The following PCSK6 variants were observed in gnomAD, a reference collection of about 807,000 sequenced individuals.
The protein encoded by PCSK6 is paired basic amino acid cleaving enzyme 4.
PCSK6 carries 85 observed loss-of-function variants against 123.3 expected under a neutral mutation model. The ratio of observed to expected loss-of-function variants is 0.69; its 90% CI spans 0.58 to 0.83. The LOEUF (loss-of-function observed/expected upper bound fraction) is 0.83, where lower values mean the gene tolerates loss of function less well. Among genes scored for constraint, PCSK6 ranks in the 40% least tolerant of loss-of-function variants. The pLI is 0.00. For missense variants in PCSK6, 1,191 were observed against 1,282.3 expected (o/e 0.93, Z 1.09); for synonymous variants, 508 against 516.0 (o/e 0.98, Z 0.21).
chr15:101,319,943 C>T (rs2040077851), intron 18 of PCSK6, among the ~76,000 whole-genome samples: 1 of 152,096 alleles, frequency 6.6e-6, no homozygotes, highest in Admixed American at 6.6e-5. Context: ...CATGGCAAGT[C>T]CGATTTATGG....
chr15:101,333,116 ACT>A (rs1193544183), intron 13 of PCSK6, among the ~76,000 whole-genome samples: 1 of 152,086 alleles, frequency 6.6e-6, no homozygotes, highest in African/African-American at 2.4e-5. Flanking sequence ...CTGCAGGCCG[ACT>A]CTGCTGCTGG....
At chr15:101,460,529 T>G (rs1160019636) in intron 1 of PCSK6, among the ~76,000 whole-genome samples, 2 of 152,228 alleles carry the variant, frequency 1.3e-5, no homozygotes, top group Non-Finnish European at 2.9e-5. Context: ...GGAAAGGGTC[T>G]GAGCCACTCT....
At position 101,489,471 on chromosome 15, in the gene PCSK6, C is replaced by A. The variant is rs1474514230; in HGVS notation, c.200G>T (p.Arg67Leu). The part of the protein sequence containing the change: ...LPAACSAPPP[R>L]PVYTNHWAVQ... ...CGCCCAGTGGTTGGTGTAGACGGGG[C>A]GCGGCGGGGGCGCGGAGCAGGCGGC... The change falls in exon 1 of 22, where the codon CGC becomes CTC. Residue 67 changes from arginine to leucine, a missense_variant. Arg to Leu is a moderately radical substitution (Grantham distance 102, BLOSUM62 -2). Transcript: ENST00000611716. 1 of 1,106,464 alleles carries A rather than the reference C, an allele frequency of 9.0e-7. No homozygotes were observed. The highest frequency in any genetic ancestry group is 3.2e-5 in the South Asian group (1 of 31,106). The allele number at this position is 1,106,464 out of a possible 1,614,324, so 68.5% of individuals were successfully genotyped here.
intron 7 of PCSK6, among the ~76,000 whole-genome samples, chr15:101,395,238 T>C (rs903559): frequency 0.93 from 140,882 of 152,166 alleles, 65,352 homozygotes; most frequent in East Asian, 1. Flanking sequence ...CCAAAAACAG[T>C]GCTCCCCAAA....
intron 2 of PCSK6, among the ~76,000 whole-genome samples, chr15:101,434,703 G>C (rs1257998495): frequency 6.6e-6 from 1 of 152,204 alleles, no homozygotes; most frequent in African/African-American, 2.4e-5. Flanking sequence ...CAGGCCAATG[G>C]AACCGAACAC....
chr15:101,468,523 AC>A (rs1160522321), intron 1 of PCSK6, among the ~76,000 whole-genome samples: 1 of 152,218 alleles, frequency 6.6e-6, no homozygotes, highest in Non-Finnish European at 1.5e-5. Flanking sequence ...AAATAAAATC[AC>A]AGAAATCTGA....
intron 13 of PCSK6, among the ~76,000 whole-genome samples, chr15:101,353,046 G>C (rs1179013163): frequency 6.6e-6 from 1 of 152,164 alleles, no homozygotes; most frequent in Non-Finnish European, 1.5e-5. Flanking sequence ...GATGGTTTCG[G>C]GGTGATTCAA....
intron 6 of PCSK6, among the ~76,000 whole-genome samples, chr15:101,413,277 G>A (rs2055769960): frequency 6.6e-6 from 1 of 152,082 alleles, no homozygotes; most frequent in Non-Finnish European, 1.5e-5. Flanking sequence ...GGATATAAAG[G>A]AAGGTAAGGT....
intron 11 of PCSK6, among the ~76,000 whole-genome samples, chr15:101,377,512 AG>A (rs1378785584): frequency 6.6e-6 from 1 of 152,244 alleles, no homozygotes; most frequent in Admixed American, 6.5e-5. Flanking sequence ...GGATAAAGAT[AG>A]AACTCCAACC....
chr15:101,443,908 C>T (rs1202100659), intron 1 of PCSK6, among the ~76,000 whole-genome samples: 1 of 152,250 alleles, frequency 6.6e-6, no homozygotes, highest in African/African-American at 2.4e-5. Flanking sequence ...TACTCCATCA[C>T]ATCTCACGGT....
chr15:101,316,917 T>TTTTTTTTTTG (rs2040005048), intron 19 of PCSK6, among the ~76,000 whole-genome samples: 1 of 103,644 alleles, frequency 9.6e-6, no homozygotes, highest in African/African-American at 4.2e-5. Context: ...TCTGTTTTTT[T>TTTTTTTTTTG]TTTTTTTTTT....
intron 6 of PCSK6, among the ~76,000 whole-genome samples, chr15:101,409,232 C>A (rs4625703): frequency 0.14 from 21,314 of 151,474 alleles, 1,752 homozygotes; most frequent in East Asian, 0.23. Flanking sequence ...CCGAGGCGGG[C>A]GGATCACGAG....
intron 15 of PCSK6, among the ~76,000 whole-genome samples, chr15:101,330,307 C>T (rs542749832): frequency 6.6e-5 from 10 of 152,352 alleles, no homozygotes; most frequent in African/African-American, 2.2e-4. Context: ...GTCCCCCTCG[C>T]TCACTTCCTC....
In PCSK6 at chr15:101,489,392, C is replaced by G. The variant is rs1135910; in HGVS notation, c.279G>C (p.Gly93=). The change falls in exon 1 of 22, where the codon GGG becomes GGC. Residue 93 remains glycine (G), a synonymous_variant. Coordinates refer to ENST00000611716, the MANE Select transcript of PCSK6 (RefSeq NM_002570.5). ...CACTCACCTGGCCCAAGTTGAGGTA[C>G]CCGTGCGCCGCCGCCACGCGGTCCG... The part of the protein sequence containing the change: ...AEADRVAAAH[G]YLNLGQIGNL... 0.51 allele frequency: 639,696 copies of G among 1,258,540 alleles called. 166,455 individuals are homozygous for G. The highest frequency in any genetic ancestry group is 0.53 in the Non-Finnish European group (522,566 of 987,644). The allele number at this position is 1,258,540 out of a possible 1,614,324, so 78.0% of individuals were successfully genotyped here.
chr15:101,391,762 C>G (rs1201803159), intron 8 of PCSK6, among the ~76,000 whole-genome samples: 1 of 151,170 alleles, frequency 6.6e-6, no homozygotes, highest in Non-Finnish European at 1.5e-5. Context: ...TCTAAGAGGA[C>G]TCAGAACAAA....
At chr15:101,431,655 T>C in intron 3 of PCSK6, 192 bp from the exon 4 acceptor site, 1 of 725,584 alleles carries the variant, frequency 1.4e-6, no homozygotes, top group Non-Finnish European at 2.4e-6. Flanking sequence ...TCCCTTGCTT[T>C]TTCTGCACCT....
chr15:101,404,259 G>T (rs542802558), intron 6 of PCSK6, among the ~76,000 whole-genome samples: 1 of 152,198 alleles, frequency 6.6e-6, no homozygotes, highest in Non-Finnish European at 1.5e-5. Context: ...GGCATCTATT[G>T]TAAGTTCCTT....
At chr15:101,311,707 G>A (rs71414400) in intron 20 of PCSK6, among the ~76,000 whole-genome samples, 21 of 9,470 alleles carry the variant, frequency 2.2e-3, no homozygotes, top group African/African-American at 5.7e-3. Flanking sequence ...CCACCCCATC[G>A]TCACCCCTCA....
chr15:101,409,584 C>CAAT (rs2042883918), intron 6 of PCSK6, among the ~76,000 whole-genome samples: 1 of 121,828 alleles, frequency 8.2e-6, no homozygotes, highest in African/African-American at 3.1e-5. Context: ...GACTCCGTCT[C>CAAT]AAAAAAAAAA....
Sources: gnomAD v4.1 joint callset for allele counts (sites outside exome capture counted in the v4.1 genomes callset) on GRCh38, gnomAD v4.1.1 for gene constraint, MANE v1.5 for transcripts, NCBI Gene and HGNC (gene_info 2026-07-23, HGNC 2026-07-21) for gene names.